Variants in SNX25 observed in about 807,000 individuals in gnomAD.
The protein encoded by SNX25 is sorting nexin 25.
A neutral mutation model predicts 113.7 loss-of-function variants in SNX25; 62 were observed. The observed-to-expected ratio is 0.55, with a 90% CI of 0.44 to 0.67. The LOEUF (loss-of-function observed/expected upper bound fraction) is 0.67, where lower values mean the gene tolerates loss of function less well. SNX25 is among the 30% of genes least tolerant of loss of function. The pLI is 0.00. For synonymous variants in SNX25, 421 were observed against 436.2 expected (o/e 0.97, Z 0.43); for missense variants, 1,014 against 1,161.0 (o/e 0.87, Z 1.84).
downstream of SNX25, among the ~76,000 whole-genome samples, chr4:185,372,501 T>G (rs2095419334): frequency 6.6e-6 from 1 of 152,248 alleles, no homozygotes; most frequent in African/African-American, 2.4e-5. Context: ...GAACATGTAG[T>G]AGGCATTCTT....
the SNX25 span, chr4:185,378,158 T>G: frequency 6.2e-7 from 1 of 1,614,144 alleles, no homozygotes; most frequent in Non-Finnish European, 8.5e-7. Context: ...AAAGGGGTTC[T>G]TGGGCAACTT....
intron 1 of SNX25, among the ~76,000 whole-genome samples, chr4:185,211,231 C>G (rs1737734964): frequency 1.3e-5 from 2 of 152,218 alleles, no homozygotes; most frequent in Non-Finnish European, 2.9e-5. Flanking sequence ...CACCAAACTA[C>G]TCTGAGTGTG....
intron 6 of SNX25, among the ~76,000 whole-genome samples, chr4:185,299,230 GAA>G (rs974174374): frequency 3.4e-4 from 52 of 152,286 alleles, no homozygotes; most frequent in African/African-American, 1.2e-3. Flanking sequence ...CATGCGCATA[GAA>G]AAAGAGAATC....
intron 5 of SNX25, among the ~76,000 whole-genome samples, chr4:185,269,260 C>T (rs1198078133): frequency 3.9e-5 from 6 of 152,100 alleles, no homozygotes; most frequent in African/African-American, 9.7e-5. Flanking sequence ...TAAAACTGTA[C>T]GTACACACAC....
chr4:185,289,756 TG>T (rs1325626843), intron 6 of SNX25, among the ~76,000 whole-genome samples: 56 of 152,350 alleles, frequency 3.7e-4, no homozygotes, highest in African/African-American at 1.3e-3. Context: ...AAGAGAACAC[TG>T]GAGAGGTGTG....
chr4:185,229,253 C>T (rs1354543173), intron 1 of SNX25, among the ~76,000 whole-genome samples: 1 of 152,084 alleles, frequency 6.6e-6, no homozygotes, highest in Non-Finnish European at 1.5e-5. Context: ...AGGGAGGAGC[C>T]GAGGCCGGGA....
downstream of SNX25, among the ~76,000 whole-genome samples, chr4:185,374,796 C>G (rs2095427687): frequency 6.6e-6 from 1 of 152,118 alleles, no homozygotes; most frequent in African/African-American, 2.4e-5. Context: ...CCTGAATCAG[C>G]ACAGTTCTTA....
chr4:185,250,235 C>A (rs2126494804), intron 2 of SNX25, among the ~76,000 whole-genome samples: 1 of 152,300 alleles, frequency 6.6e-6, no homozygotes, highest in South Asian at 2.1e-4. Flanking sequence ...TGGTTCATGG[C>A]CTTTCCACAA....
chr4:185,253,939 CAG>C (rs1362197463), intron 2 of SNX25, among the ~76,000 whole-genome samples: 1 of 152,170 alleles, frequency 6.6e-6, no homozygotes, highest in Admixed American at 6.5e-5. Flanking sequence ...CAAAGTATAA[CAG>C]AAATTTTATG....
At chr4:185,375,687 T>C in the SNX25 span, 1 of 1,612,074 alleles carries the variant, frequency 6.2e-7, no homozygotes, top group East Asian at 2.2e-5. Context: ...TCTTTCTCCT[T>C]GATTTCTTCA....
At chr4:185,301,768 A>G (rs976518947) in intron 6 of SNX25, among the ~76,000 whole-genome samples, 11 of 151,500 alleles carry the variant, frequency 7.3e-5, no homozygotes, top group Non-Finnish European at 1.5e-4. Context: ...TGTATTTTTC[A>G]TAGAGACAGG....
At chr4:185,304,947 A>T (rs1365962051) in intron 6 of SNX25, among the ~76,000 whole-genome samples, 1 of 152,172 alleles carries the variant, frequency 6.6e-6, no homozygotes, top group Non-Finnish European at 1.5e-5. Flanking sequence ...TCCTGGGCAG[A>T]GGAGAGAAGA....
At chr4:185,371,542 A>T (rs937475052), downstream of SNX25, among the ~76,000 whole-genome samples, 2 of 7,670 alleles carry the variant, frequency 2.6e-4, no homozygotes, top group Admixed American at 2.6e-3. Flanking sequence ...ACTCCGTCTA[A>T]AAAAAAAAAA....
chr4:185,353,284 T>G (rs1256514576), intron 14 of SNX25: 4 of 473,440 alleles, frequency 8.4e-6, no homozygotes, highest in Non-Finnish European at 1.5e-5. Context: ...TTAGCTTATT[T>G]TAAGCCTTGA....
At chr4:185,240,223 C>A (rs1027479774) in intron 1 of SNX25, among the ~76,000 whole-genome samples, 3 of 152,130 alleles carry the variant, frequency 2.0e-5, no homozygotes, top group Non-Finnish European at 2.9e-5. Context: ...ACCTTTCCCC[C>A]CTTTCTATTC....
At chr4:185,318,673 A>T (rs2095094593) in intron 7 of SNX25, among the ~76,000 whole-genome samples, 1 of 152,212 alleles carries the variant, frequency 6.6e-6, no homozygotes, top group Admixed American at 6.5e-5. Context: ...CTTGTCTTTT[A>T]TACATTTCTC....
upstream of SNX25, chr4:185,209,381 GA>G: frequency 6.6e-6 from 1 of 152,456 alleles, no homozygotes; most frequent in Non-Finnish European, 1.5e-5. The surrounding 1 kb of genome is among the most constrained non-coding windows in gnomAD (Gnocchi z 5.2). Context: ...TCCATGAACA[GA>G]CGGCATCCTG....
At chr4:185,365,307 G>C (rs1362869054), downstream of SNX25, 1 of 152,028 alleles carries the variant, frequency 6.6e-6, no homozygotes, top group Non-Finnish European at 1.5e-5. Context: ...AGTTTAAAAA[G>C]TGCTCTTTAC....
intron 1 of SNX25, among the ~76,000 whole-genome samples, chr4:185,224,654 T>C (rs1560905510): frequency 6.8e-6 from 1 of 147,116 alleles, no homozygotes; most frequent in Non-Finnish European, 1.5e-5. Flanking sequence ...TAAAAATATA[T>C]ATAAGTATAT....
Sources: allele counts gnomAD v4.1 joint callset (sites outside exome capture counted in the v4.1 genomes callset), GRCh38; gene constraint gnomAD v4.1.1; non-coding constraint Gnocchi (gnomAD v3.1); transcripts MANE v1.5; gene names NCBI Gene and HGNC (gene_info 2026-07-23, HGNC 2026-07-21).